Variants in THRB observed in about 807,000 individuals in gnomAD.
The protein encoded by THRB is thyroid hormone receptor beta, also known as nuclear receptor subfamily 1 group A member 2.
In THRB, 12 loss-of-function variants were observed where a neutral mutation model predicts 47.8. The ratio of observed to expected loss-of-function variants is 0.25; its 90% CI spans 0.16 to 0.41. The LOEUF (loss-of-function observed/expected upper bound fraction) is 0.41. Among genes scored for constraint, THRB ranks in the 10% least tolerant of loss-of-function variants. The pLI, the probability that THRB is intolerant of heterozygous loss-of-function variation, is 1.00. For synonymous variants in THRB, 218 were observed against 212.2 expected, an observed-to-expected ratio of 1.03 and a Z score of -0.24; for missense variants, 348 against 589.2, an observed-to-expected ratio of 0.59 and a Z score of 4.24.
chr3:24,384,283 T>C (rs2065921625), intron 1 of THRB, among the ~76,000 whole-genome samples: 1 of 152,144 alleles, frequency 6.6e-6, no homozygotes, highest in Non-Finnish European at 1.5e-5. Context: ...CTTTTGGTAT[T>C]GTTTTCAAGT....
chr3:24,311,316 A>T (rs62255379), intron 2 of THRB, among the ~76,000 whole-genome samples: 2 of 152,196 alleles, frequency 1.3e-5, no homozygotes, highest in African/African-American at 2.4e-5. Flanking sequence ...TTTCTTTTAA[A>T]TACTGTGTAT....
chr3:24,195,051 T>TTG (rs1363883192), intron 4 of THRB, among the ~76,000 whole-genome samples: 1 of 152,216 alleles, frequency 6.6e-6, no homozygotes, highest in Non-Finnish European at 1.5e-5. Context: ...AGAATTATCA[T>TTG]TGTGTAGCAT....
chr3:24,154,972 C>A (rs749114656), intron 5 of THRB, among the ~76,000 whole-genome samples: 1 of 152,136 alleles, frequency 6.6e-6, no homozygotes, highest in Non-Finnish European at 1.5e-5. Flanking sequence ...TGGGAGGGGT[C>A]AAAACAAGGT....
At chr3:24,238,468 A>C (rs2049146104) in intron 3 of THRB, among the ~76,000 whole-genome samples, 2 of 152,178 alleles carry the variant, frequency 1.3e-5, no homozygotes, top group African/African-American at 4.8e-5. Flanking sequence ...TGTGAAAATA[A>C]AACATTAAGA....
chr3:24,132,251 G>C (rs577949857), intron 9 of THRB, among the ~76,000 whole-genome samples: 1 of 152,228 alleles, frequency 6.6e-6, no homozygotes, highest in East Asian at 1.9e-4. Flanking sequence ...TCTCTATTTG[G>C]TATCTTTCTG....
chr3:24,332,095 C>T (rs1027973633), intron 2 of THRB, among the ~76,000 whole-genome samples: 9 of 152,102 alleles, frequency 5.9e-5, no homozygotes, highest in East Asian at 3.9e-4. Context: ...AACTACGAGT[C>T]GGTAGATGAG....
intron 1 of THRB, among the ~76,000 whole-genome samples, chr3:24,479,073 A>T (rs1025128945): frequency 1.3e-5 from 2 of 152,038 alleles, no homozygotes; most frequent in African/African-American, 2.4e-5. Flanking sequence ...CCAAGGTGGG[A>T]GGATCACGAG....
At chr3:24,228,624 C>G (rs577970575) in intron 4 of THRB, among the ~76,000 whole-genome samples, 1 of 130,946 alleles carries the variant, frequency 7.6e-6, no homozygotes, top group African/African-American at 2.8e-5. Context: ...CAGAGCAAGA[C>G]CATGTCTCAA....
At chr3:24,306,213 G>A in intron 2 of THRB, among the ~76,000 whole-genome samples, 1 of 152,158 alleles carries the variant, frequency 6.6e-6, no homozygotes, top group East Asian at 1.9e-4. Context: ...CTGCAATTCT[G>A]GTTTTCAGAA....
intron 5 of THRB, among the ~76,000 whole-genome samples, chr3:24,158,301 T>C (rs1346291371): frequency 6.6e-6 from 1 of 152,204 alleles, no homozygotes; most frequent in Non-Finnish European, 1.5e-5. Flanking sequence ...ATTGTGTGCA[T>C]CAGTTGCTAT....
intron 2 of THRB, among the ~76,000 whole-genome samples, chr3:24,300,111 C>T (rs2056830278): frequency 6.6e-6 from 1 of 152,104 alleles, no homozygotes; most frequent in Non-Finnish European, 1.5e-5. Context: ...TTTGCTACTC[C>T]TGGAATTTAG....
intron 8 of THRB, among the ~76,000 whole-genome samples, chr3:24,140,425 G>GT (rs2035282457): frequency 1.3e-5 from 2 of 152,184 alleles, no homozygotes; most frequent in African/African-American, 2.4e-5. Context: ...GTAGAGGCTG[G>GT]TGTCATGTAA....
At chr3:24,223,878 CA>C (rs1293433427) in intron 4 of THRB, among the ~76,000 whole-genome samples, 1 of 148,100 alleles carries the variant, frequency 6.8e-6, no homozygotes, top group Non-Finnish European at 1.5e-5. Context: ...TTTGAGTCAC[CA>C]ATCAATGTGT....
chr3:24,256,592 G>A (rs372975933), intron 3 of THRB, among the ~76,000 whole-genome samples: 1 of 152,198 alleles, frequency 6.6e-6, no homozygotes, highest in African/African-American at 2.4e-5. Context: ...GATCCTGGGA[G>A]GGAGTCCCAT....
At chr3:24,427,084 G>C (rs1347233597) in intron 1 of THRB, among the ~76,000 whole-genome samples, 1 of 151,974 alleles carries the variant, frequency 6.6e-6, no homozygotes, top group Non-Finnish European at 1.5e-5. Context: ...TGACATGTGA[G>C]AGACAAGACA....
intron 4 of THRB, among the ~76,000 whole-genome samples, chr3:24,214,035 T>G (rs1319763668): frequency 6.6e-6 from 1 of 152,238 alleles, no homozygotes; most frequent in East Asian, 1.9e-4. Flanking sequence ...TTATTTCTTT[T>G]GACCCTCACA....
At chr3:24,201,964 T>G (rs1347851068) in intron 4 of THRB, among the ~76,000 whole-genome samples, 1 of 152,178 alleles carries the variant, frequency 6.6e-6, no homozygotes, top group Admixed American at 6.5e-5. Flanking sequence ...CTCTATGAAG[T>G]AGACTGTTAT....
chr3:24,158,877 A>T (rs2038326958), intron 5 of THRB, among the ~76,000 whole-genome samples: 1 of 151,128 alleles, frequency 6.6e-6, no homozygotes. Flanking sequence ...TCTCTCGCAT[A>T]CTTGGGGGCA....
chr3:24,306,055 TTTGTTG>T (rs367625206), intron 2 of THRB, among the ~76,000 whole-genome samples: 1 of 152,140 alleles, frequency 6.6e-6, no homozygotes, highest in Non-Finnish European at 1.5e-5. Flanking sequence ...TCCTTCAATT[TTTGTTG>T]TTGTTGTTGT....
Sources: allele counts gnomAD v4.1 joint callset (sites outside exome capture counted in the v4.1 genomes callset), GRCh38; gene constraint gnomAD v4.1.1; transcripts MANE v1.5; gene names NCBI Gene and HGNC (gene_info 2026-07-23, HGNC 2026-07-21).